FMN2: variants seen among roughly 807,000 people sequenced by gnomAD.
FMN2 encodes formin-2.
In FMN2, 51 loss-of-function variants were observed where a neutral mutation model predicts 142.3. The observed-to-expected ratio is 0.36, with a 90% CI of 0.29 to 0.45. The LOEUF (loss-of-function observed/expected upper bound fraction) is 0.45, where lower values mean the gene tolerates loss of function less well. Ranked by LOEUF, FMN2 falls within the 20% of genes least tolerant of loss-of-function variation. The pLI is 1.00. For missense variants in FMN2, 1,936 were observed against 2,122.8 expected (o/e 0.91, Z 1.73); for synonymous variants, 882 against 869.8 (o/e 1.01, Z -0.25).
chr1:240,428,854 C>T (rs1675044043), intron 15 of FMN2, among the ~76,000 whole-genome samples: 1 of 152,174 alleles, frequency 6.6e-6, no homozygotes, highest in South Asian at 2.1e-4. Context: ...TCCTGTCAAA[C>T]TAACATTTTG....
At chr1:240,303,918 T>C (rs761344731) in intron 8 of FMN2, among the ~76,000 whole-genome samples, 6 of 152,200 alleles carry the variant, frequency 3.9e-5, no homozygotes, top group Non-Finnish European at 7.3e-5. Context: ...GGATTCATTC[T>C]TTTGCTTCCT....
intron 13 of FMN2, among the ~76,000 whole-genome samples, chr1:240,337,216 T>C (rs1416762086): frequency 1.8e-4 from 26 of 143,116 alleles, no homozygotes; most frequent in Non-Finnish European, 3.4e-4. Context: ...TTTTTTTTTT[T>C]TTTTTTTTTT....
At chr1:240,351,715 T>C (rs1672101891) in intron 13 of FMN2, among the ~76,000 whole-genome samples, 1 of 152,216 alleles carries the variant, frequency 6.6e-6, no homozygotes, top group Admixed American at 6.5e-5. Flanking sequence ...TGTCACCATG[T>C]AGAAGACTTT....
At chr1:240,126,915 T>G (rs1662533680) in intron 2 of FMN2, among the ~76,000 whole-genome samples, 1 of 152,034 alleles carries the variant, frequency 6.6e-6, no homozygotes, top group Non-Finnish European at 1.5e-5. Context: ...ATGGAGTGAA[T>G]GGCGTGGGGG....
intron 14 of FMN2, among the ~76,000 whole-genome samples, chr1:240,365,609 G>A (rs777276637): frequency 3.9e-5 from 6 of 152,012 alleles, no homozygotes; most frequent in Non-Finnish European, 5.9e-5. Flanking sequence ...TCTATAGTTA[G>A]GTTTTATAGA....
intron 14 of FMN2, among the ~76,000 whole-genome samples, chr1:240,363,122 T>C (rs900691529): frequency 2.0e-5 from 3 of 152,220 alleles, no homozygotes; most frequent in African/African-American, 7.2e-5. Flanking sequence ...TGCCAAAGAC[T>C]GAAGAGCCTA....
chr1:240,237,064 T>G (rs1667735520), intron 6 of FMN2, among the ~76,000 whole-genome samples: 1 of 152,220 alleles, frequency 6.6e-6, no homozygotes, highest in Admixed American at 6.5e-5. Flanking sequence ...TTTTTGTTGT[T>G]GTTTTTCACA....
At position 240,207,312 on chromosome 1, in the gene FMN2, T is replaced by C; in HGVS notation, c.2500T>C (p.Ser834Pro). 1 of 1,613,804 alleles carries C rather than the reference T, an allele frequency of 6.2e-7. No individual in the cohort carries two copies. Among genetic ancestry groups the C allele is most frequent in the Non-Finnish European group, 8.5e-7 (1 of 1,179,838 alleles). Residue 834 changes from serine to proline, a missense_variant, in exon 5 of 18, where the codon TCT (serine) becomes CCT (proline). Coordinates refer to ENST00000319653, the MANE Select transcript of FMN2 (RefSeq NM_020066.5). Reference protein sequence around the residue: ...QPGSQPPHSISTEFQTSHEHS... With the variant: ...QPGSQPPHSIPTEFQTSHEHS... ...TGGGTCACAGCCGCCCCATTCTATT[T>C]CTACCGAGTTTCAAACCAGCCACGA...
At chr1:240,312,309 C>G (rs1670627104) in intron 8 of FMN2, among the ~76,000 whole-genome samples, 1 of 152,178 alleles carries the variant, frequency 6.6e-6, no homozygotes, top group Non-Finnish European at 1.5e-5. Context: ...CCATCTCCTT[C>G]TAGTAAAAGT....
At chr1:240,119,642 G>A (rs573828383) in intron 1 of FMN2, among the ~76,000 whole-genome samples, 2 of 152,314 alleles carry the variant, frequency 1.3e-5, no homozygotes, top group East Asian at 3.9e-4. Flanking sequence ...CAGGCCCAGG[G>A]TGATGATAGG....
intron 16 of FMN2, among the ~76,000 whole-genome samples, chr1:240,465,374 GTGTGTGTGTGTGTC>G (rs1676581408): frequency 9.2e-6 from 1 of 108,434 alleles, no homozygotes; most frequent in African/African-American, 4.0e-5. Flanking sequence ...GTGTGTGTGT[GTGTGTGTGTGTGTC>G]TGTCTTTCTC....
At chr1:240,441,537 A>G (rs1016558451) in intron 16 of FMN2, among the ~76,000 whole-genome samples, 1 of 151,616 alleles carries the variant, frequency 6.6e-6, no homozygotes, top group African/African-American at 2.4e-5. Context: ...ATTTTCTTCA[A>G]TGGCTAATCT....
chr1:240,355,370 G>A (rs889076861), intron 13 of FMN2, among the ~76,000 whole-genome samples: 4 of 152,082 alleles, frequency 2.6e-5, no homozygotes, highest in Non-Finnish European at 5.9e-5. Context: ...TTTATTATAA[G>A]TCAGTTGATA....
intron 8 of FMN2, among the ~76,000 whole-genome samples, chr1:240,319,918 A>G (rs1178898244): frequency 1.3e-5 from 2 of 152,114 alleles, no homozygotes; most frequent in Non-Finnish European, 2.9e-5. Context: ...TATAGCGTTA[A>G]TGATTTTTTT....
intron 6 of FMN2, among the ~76,000 whole-genome samples, chr1:240,214,912 A>G (rs1666835832): frequency 6.6e-6 from 1 of 152,154 alleles, no homozygotes; most frequent in African/African-American, 2.4e-5. Flanking sequence ...TAAAAAATAT[A>G]AAAATTAGCT....
chr1:240,437,524 G>C (rs962875294), intron 15 of FMN2, among the ~76,000 whole-genome samples: 8 of 151,824 alleles, frequency 5.3e-5, no homozygotes, highest in East Asian at 3.9e-4. Context: ...GGATGGTCTC[G>C]ATCTCCTGAC....
intron 1 of FMN2, among the ~76,000 whole-genome samples, chr1:240,108,664 G>A (rs1222950295): frequency 6.6e-6 from 1 of 152,140 alleles, no homozygotes; most frequent in East Asian, 1.9e-4. Flanking sequence ...AGATATAGTG[G>A]CCTGGAAGAA....
chr1:240,132,779 AG>A (rs1296023529), intron 2 of FMN2, among the ~76,000 whole-genome samples: 2 of 152,126 alleles, frequency 1.3e-5, no homozygotes, highest in African/African-American at 4.8e-5. Context: ...GGGCTAGATT[AG>A]AGGGTCGCGG....
At chr1:240,304,956 A>G (rs1384732022) in intron 8 of FMN2, among the ~76,000 whole-genome samples, 2 of 152,218 alleles carry the variant, frequency 1.3e-5, no homozygotes, top group East Asian at 3.9e-4. Flanking sequence ...CAAAGTTTCC[A>G]ACAGATTCTG....
Sources: allele counts gnomAD v4.1 joint callset (sites outside exome capture counted in the v4.1 genomes callset), GRCh38; gene constraint gnomAD v4.1.1; transcripts MANE v1.5; gene names NCBI Gene and HGNC (gene_info 2026-07-23, HGNC 2026-07-21).